PITPNC1: variants seen among roughly 807,000 people sequenced by gnomAD.
PITPNC1 encodes the protein cytoplasmic phosphatidylinositol transfer protein 1.
In PITPNC1, 18 loss-of-function variants were observed where a neutral mutation model predicts 44.7. That is an observed-to-expected ratio of 0.40 (90% CI 0.28 to 0.60). PITPNC1 has a LOEUF of 0.60. PITPNC1 is among the 20% of genes least tolerant of loss of function. PITPNC1 has a pLI of 0.39. For synonymous variants in PITPNC1, 141 were observed against 149.6 expected (o/e 0.94, Z 0.42); for missense variants, 290 against 418.4 (o/e 0.69, Z 2.68).
chr17:67,397,882 A>C (rs2038243041), intron 1 of PITPNC1, among the ~76,000 whole-genome samples: 1 of 152,154 alleles, frequency 6.6e-6, no homozygotes, highest in Non-Finnish European at 1.5e-5. Flanking sequence ...TCACGAGGTC[A>C]GGAAATCGAG....
chr17:67,433,796 C>T (rs952890173), intron 1 of PITPNC1, among the ~76,000 whole-genome samples: 5 of 152,074 alleles, frequency 3.3e-5, no homozygotes, highest in African/African-American at 4.8e-5. Context: ...AGGAGGCTGA[C>T]GCAGGAGGAT....
chr17:67,438,214 T>TCAGTGCAGC (rs1377941561), intron 1 of PITPNC1, among the ~76,000 whole-genome samples: 1 of 152,186 alleles, frequency 6.6e-6, no homozygotes, highest in East Asian at 1.9e-4. Context: ...AGACCTCTAG[T>TCAGTGCAGC]CAGTGCAGCC....
intron 7 of PITPNC1, among the ~76,000 whole-genome samples, chr17:67,673,534 G>T (rs2042547700): frequency 6.6e-6 from 1 of 152,046 alleles, no homozygotes; most frequent in African/African-American, 2.4e-5. Context: ...TTCTATTCTA[G>T]TTCAGGTCTC....
intron 6 of PITPNC1, among the ~76,000 whole-genome samples, chr17:67,648,583 G>T (rs1428236738): frequency 6.6e-6 from 1 of 152,190 alleles, no homozygotes; most frequent in Non-Finnish European, 1.5e-5. Context: ...ATGTTAGGGA[G>T]ACAGCTCTTG....
chr17:67,638,662 T>C (rs1351128587), intron 6 of PITPNC1: 2 of 152,206 alleles, frequency 1.3e-5, no homozygotes, highest in Admixed American at 1.3e-4. Context: ...ATTCATGTAA[T>C]GAAAAGCAAA....
At chr17:67,441,894 A>G (rs1274879296) in intron 1 of PITPNC1, among the ~76,000 whole-genome samples, 1 of 152,074 alleles carries the variant, frequency 6.6e-6, no homozygotes, top group East Asian at 1.9e-4. Flanking sequence ...TAATTAGTTA[A>G]CAGGAACTTA....
At chr17:67,630,245 G>C (rs773243951) in intron 5 of PITPNC1, among the ~76,000 whole-genome samples, 6 of 152,238 alleles carry the variant, frequency 3.9e-5, no homozygotes, top group Non-Finnish European at 8.8e-5. Context: ...GTTAACTGTT[G>C]ATTCCCTCCA....
At chr17:67,586,442 A>G (rs988832991) in intron 5 of PITPNC1, among the ~76,000 whole-genome samples, 9 of 151,506 alleles carry the variant, frequency 5.9e-5, no homozygotes, top group Non-Finnish European at 1.0e-4. Flanking sequence ...AAAAAAAAAA[A>G]AAATTAGCTG....
At chr17:67,384,523 T>C (rs1255157586) in intron 1 of PITPNC1, among the ~76,000 whole-genome samples, 1 of 152,068 alleles carries the variant, frequency 6.6e-6, no homozygotes, top group Non-Finnish European at 1.5e-5. Context: ...CCTCCCGGGT[T>C]CACGCCATTC....
chr17:67,406,688 G>GCGATCCTC (rs2038406339), intron 1 of PITPNC1, among the ~76,000 whole-genome samples: 1 of 150,654 alleles, frequency 6.6e-6, no homozygotes, highest in South Asian at 2.1e-4. Flanking sequence ...CCAGGTTCAA[G>GCGATCCTC]CGATCCTCCT....
chr17:67,385,515 T>A (rs1361127106), intron 1 of PITPNC1, among the ~76,000 whole-genome samples: 3 of 134,076 alleles, frequency 2.2e-5, no homozygotes, highest in African/African-American at 8.1e-5. Context: ...CCTTCCAGGC[T>A]GTGGAAGCTT....
chr17:67,586,275 A>G lies in PITPNC1; in HGVS notation c.366+8018A>G, dbSNP rs1436107347. Among the ~76,000 whole-genome samples, 3 of 152,134 alleles carry G rather than the reference A, an allele frequency of 2.0e-5. 1 individual carries two copies. In the East Asian group the frequency reaches 5.8e-4, roughly 29 times the overall value. Reference sequence around the variant, plus strand: ...TTCGTGGAGTTTTTTAAAATTTTTTATTTGGGGATAATTTTAAATTTATAC... The same window carrying G: ...TTCGTGGAGTTTTTTAAAATTTTTTGTTTGGGGATAATTTTAAATTTATAC... On this transcript the variant is annotated intron_variant, in intron 5 of 8. Coordinates refer to ENST00000581322, the MANE Select transcript of PITPNC1 (RefSeq NM_012417.4).
intron 1 of PITPNC1, among the ~76,000 whole-genome samples, chr17:67,498,866 T>C (rs2144063820): frequency 8.2e-6 from 1 of 121,768 alleles, no homozygotes. Context: ...GTTTTTTTTT[T>C]TGTTTGTTTT....
chr17:67,547,904 G>A (rs1056989742), intron 2 of PITPNC1, among the ~76,000 whole-genome samples: 3 of 152,142 alleles, frequency 2.0e-5, no homozygotes, highest in African/African-American at 7.2e-5. Context: ...GATCTGCCAG[G>A]GTTCAAAACC....
rs184222792 is a variant in PITPNC1, at chr17:67,550,609, C to T, written c.198-1648C>T. 3.0e-4 allele frequency among the ~76,000 whole-genome samples: 46 copies of T among 152,084 alleles called. 1 individual carries two copies. The highest frequency in any genetic ancestry group is 2.6e-3 in the Admixed American group (40 of 15,254). On this transcript the variant is annotated intron_variant, in intron 2 of 8. Transcript: ENST00000581322. ...GCTTCTTGATGTTTCTTATTTCCAA[C>T]ATGTAGCTAAGTTGCTGAGAGTATA... is the stretch of plus-strand genomic sequence containing the variant.
chr17:67,445,361 C>G (rs988765776), intron 1 of PITPNC1, among the ~76,000 whole-genome samples: 1 of 151,948 alleles, frequency 6.6e-6, no homozygotes, highest in East Asian at 1.9e-4. Flanking sequence ...ATCAGAGATA[C>G]ATTGAGGCTT....
chr17:67,427,693 A>G (rs2038791630), intron 1 of PITPNC1, among the ~76,000 whole-genome samples: 1 of 152,236 alleles, frequency 6.6e-6, no homozygotes, highest in South Asian at 2.1e-4. Flanking sequence ...TCACTCCTAC[A>G]GCTAAAAATA....
At chr17:67,578,148 A>T (rs1482945798) in intron 4 of PITPNC1, 38 bp from the exon 5 acceptor site, 5 of 1,405,694 alleles carry the variant, frequency 3.6e-6, no homozygotes, top group Non-Finnish European at 5.0e-6. Context: ...AAGAGAGAAA[A>T]AATGTTATGC....
chr17:67,677,572 C>CTTT (rs750613337), intron 8 of PITPNC1, among the ~76,000 whole-genome samples: 1 of 144,428 alleles, frequency 6.9e-6, no homozygotes, highest in Non-Finnish European at 1.5e-5. Flanking sequence ...TTAGGGACTT[C>CTTT]TTTTTTTTTT....
Sources: allele counts gnomAD v4.1 joint callset (sites outside exome capture counted in the v4.1 genomes callset), GRCh38; gene constraint gnomAD v4.1.1; transcripts MANE v1.5; gene names NCBI Gene and HGNC (gene_info 2026-07-23, HGNC 2026-07-21).